ERBB4: variants seen among roughly 807,000 people sequenced by gnomAD.
ERBB4 encodes the protein erb-b2 receptor tyrosine kinase 4.
ERBB4 carries 42 observed loss-of-function variants against 158.0 expected under a neutral mutation model. The ratio of observed to expected loss-of-function variants is 0.27; its 90% CI spans 0.21 to 0.34. The LOEUF (loss-of-function observed/expected upper bound fraction) is 0.34. ERBB4 is among the 10% of genes least tolerant of loss of function. The pLI is 1.00. For missense variants in ERBB4, 1,333 were observed against 1,624.1 expected (o/e 0.82, Z 3.08); for synonymous variants, 583 against 558.7 (o/e 1.04, Z -0.61).
chr2:211,404,153 G>A (rs1345772460), intron 25 of ERBB4, among the ~76,000 whole-genome samples: 1 of 152,014 alleles, frequency 6.6e-6, no homozygotes, highest in East Asian at 1.9e-4. Flanking sequence ...TTCAGCTTCA[G>A]CGTTATTTTT....
chr2:211,443,713 C>T (rs1280578528), intron 20 of ERBB4, among the ~76,000 whole-genome samples: 1 of 152,042 alleles, frequency 6.6e-6, no homozygotes, highest in African/African-American at 2.4e-5. Context: ...CTGCCACTAA[C>T]TATATGCAGC....
intron 1 of ERBB4, among the ~76,000 whole-genome samples, chr2:212,465,609 T>C (rs1261771237): frequency 6.6e-6 from 1 of 152,172 alleles, no homozygotes; most frequent in Admixed American, 6.5e-5. Flanking sequence ...AAAGCGTTTA[T>C]AGTCTAGCCT....
chr2:211,820,879 T>C (rs1377458815), intron 3 of ERBB4, among the ~76,000 whole-genome samples: 1 of 151,684 alleles, frequency 6.6e-6, no homozygotes, highest in Non-Finnish European at 1.5e-5. Context: ...GGATAAGAAC[T>C]CTCAATAAAT....
intron 1 of ERBB4, among the ~76,000 whole-genome samples, chr2:212,251,269 A>C (rs2084522366): frequency 6.6e-6 from 1 of 152,048 alleles, no homozygotes; most frequent in Admixed American, 6.6e-5. Flanking sequence ...ATATTAGTCT[A>C]AGAAGTTAAA....
At chr2:211,995,252 C>G (rs898786434) in intron 2 of ERBB4, among the ~76,000 whole-genome samples, 3 of 152,088 alleles carry the variant, frequency 2.0e-5, no homozygotes, top group African/African-American at 7.2e-5. Context: ...TTTCTGTGCT[C>G]TATGAAAAAC....
intron 19 of ERBB4, among the ~76,000 whole-genome samples, chr2:211,571,028 G>C (rs2067708861): frequency 7.1e-6 from 1 of 141,286 alleles, no homozygotes; most frequent in African/African-American, 2.7e-5. Context: ...TTCACTCTCT[G>C]AGTACTCTTC....
At chr2:212,029,324 G>A (rs2076847035) in intron 2 of ERBB4, among the ~76,000 whole-genome samples, 1 of 151,748 alleles carries the variant, frequency 6.6e-6, no homozygotes, top group Non-Finnish European at 1.5e-5. Context: ...TTCTTTCCTG[G>A]GCAAAGCCCT....
chr2:212,319,638 G>T (rs1255359486), intron 1 of ERBB4, among the ~76,000 whole-genome samples: 1 of 150,216 alleles, frequency 6.7e-6, no homozygotes, highest in African/African-American at 2.4e-5. Flanking sequence ...AGGAAACTTT[G>T]AATTGCATAT....
intron 3 of ERBB4, among the ~76,000 whole-genome samples, chr2:211,942,247 A>C (rs1393712885): frequency 6.6e-6 from 1 of 152,172 alleles, no homozygotes; most frequent in African/African-American, 2.4e-5. Flanking sequence ...GCATATTTGA[A>C]GGCAGACATT....
At chr2:211,494,355 A>G (rs2065418152) in intron 20 of ERBB4, among the ~76,000 whole-genome samples, 1 of 152,092 alleles carries the variant, frequency 6.6e-6, no homozygotes, top group Non-Finnish European at 1.5e-5. Context: ...ATTAAAATGT[A>G]TTAGCTCAGC....
chr2:211,786,072 G>T (rs2076156793), intron 4 of ERBB4, among the ~76,000 whole-genome samples: 1 of 152,110 alleles, frequency 6.6e-6, no homozygotes. Context: ...TAATAAATAT[G>T]TAAAATCAAG....
At chr2:211,693,510 C>G (rs2106004254) in intron 12 of ERBB4, among the ~76,000 whole-genome samples, 1 of 152,198 alleles carries the variant, frequency 6.6e-6, no homozygotes, top group East Asian at 1.9e-4. Flanking sequence ...TACAAGGGAA[C>G]ACAGCTTCAG....
intron 2 of ERBB4, among the ~76,000 whole-genome samples, chr2:211,952,957 T>C (rs1480882321): frequency 1.3e-5 from 2 of 152,218 alleles, no homozygotes; most frequent in African/African-American, 4.8e-5. Context: ...TACATTTATA[T>C]CTTGCTTATG....
intron 3 of ERBB4, among the ~76,000 whole-genome samples, chr2:211,932,081 C>G (rs760628133): frequency 6.6e-6 from 1 of 152,076 alleles, no homozygotes; most frequent in Non-Finnish European, 1.5e-5. Flanking sequence ...TCTACAACTT[C>G]ATGTTGCTAG....
intron 1 of ERBB4, among the ~76,000 whole-genome samples, chr2:212,509,271 G>C (rs982868990): frequency 6.6e-6 from 1 of 151,914 alleles, no homozygotes; most frequent in Non-Finnish European, 1.5e-5. Flanking sequence ...AATGAGATTC[G>C]GAAGTTTTTA....
chr2:211,681,196 A>T (rs1372052670), intron 12 of ERBB4, among the ~76,000 whole-genome samples: 2 of 152,088 alleles, frequency 1.3e-5, no homozygotes, highest in Non-Finnish European at 2.9e-5. Context: ...TAGTTTATTC[A>T]CTTTTATTAC....
intron 20 of ERBB4, among the ~76,000 whole-genome samples, chr2:211,440,116 A>G (rs16825008): frequency 0.28 from 42,247 of 152,152 alleles, 6,667 homozygotes; most frequent in South Asian, 0.53. Context: ...CTGCTTTCTC[A>G]CTACATTGTG....
At chr2:211,632,950 G>A (rs888181027) in intron 16 of ERBB4, among the ~76,000 whole-genome samples, 5 of 152,084 alleles carry the variant, frequency 3.3e-5, no homozygotes, top group African/African-American at 9.7e-5. Context: ...TCATATATAA[G>A]TGTTTTATTG....
intron 2 of ERBB4, among the ~76,000 whole-genome samples, chr2:212,053,039 C>A (rs1252919477): frequency 3.3e-5 from 5 of 152,106 alleles, no homozygotes; most frequent in Admixed American, 6.6e-5. Flanking sequence ...AGTATACAGG[C>A]CAGGTGTGGT....
Sources: allele counts gnomAD v4.1 joint callset (sites outside exome capture counted in the v4.1 genomes callset), GRCh38; gene constraint gnomAD v4.1.1; transcripts MANE v1.5; gene names NCBI Gene and HGNC (gene_info 2026-07-23, HGNC 2026-07-21).